Variants in GRK4 observed in about 807,000 individuals in gnomAD.
The protein encoded by GRK4 is G protein-coupled receptor kinase 4.
GRK4 carries 73 observed loss-of-function variants against 77.9 expected under a neutral mutation model. The observed-to-expected ratio is 0.94, with a 90% CI of 0.78 to 1.14. The LOEUF is 1.14. Among genes scored for constraint, GRK4 ranks in the 50% most tolerant of loss-of-function variants. The pLI, the probability that GRK4 is intolerant of heterozygous loss-of-function variation, is 0.00. For synonymous variants in GRK4, 257 were observed against 254.4 expected, an observed-to-expected ratio of 1.01 and a Z score of -0.10; for missense variants, 729 against 700.2, an observed-to-expected ratio of 1.04 and a Z score of -0.46.
intron 8 of GRK4, among the ~76,000 whole-genome samples, chr4:3,014,563 G>GCCTGC (rs1733907033): frequency 6.6e-6 from 1 of 152,036 alleles, no homozygotes; most frequent in Non-Finnish European, 1.5e-5. Flanking sequence ...GGAGGCCAAG[G>GCCTGC]AGGGTGGATC....
At chr4:3,011,029 T>G (rs1190348077) in intron 7 of GRK4, among the ~76,000 whole-genome samples, 5 of 152,220 alleles carry the variant, frequency 3.3e-5, no homozygotes, top group African/African-American at 1.2e-4. Flanking sequence ...TAGATATTTC[T>G]GTAAGAAATC....
At chr4:2,966,257 C>G (rs1436250645) in intron 1 of GRK4, 1 of 151,976 alleles carries the variant, frequency 6.6e-6, no homozygotes, top group Non-Finnish European at 1.5e-5. Flanking sequence ...ACTAAAAATA[C>G]AAAAATTAGC....
chr4:2,964,630 C>T (rs1467463699), intron 1 of GRK4, among the ~76,000 whole-genome samples: 1 of 152,144 alleles, frequency 6.6e-6, no homozygotes, highest in African/African-American at 2.4e-5. Flanking sequence ...ATCTGAGGCT[C>T]TATGGTGTGT....
rs1383878457 is a variant in GRK4 at position 3,019,780 on chromosome 4, C to T, written c.881C>T (p.Ala294Val). The T allele has an allele frequency of 1.2e-6, 2 of 1,614,042 alleles. No individual in the cohort carries two copies. The highest frequency in any genetic ancestry group is 1.7e-6 in the Non-Finnish European group (2 of 1,180,036). Reference sequence around the variant, plus strand: ...GAGCAGAGAGCCGTTTTCTATGCTGCAGAGCTGTGTTGCGGCTTGGAAGAT... The same window carrying T: ...GAGCAGAGAGCCGTTTTCTATGCTGTAGAGCTGTGTTGCGGCTTGGAAGAT... ...FDEQRAVFYA[A>V]ELCCGLEDLQ... is the part of the protein sequence containing the mutation. The change falls in exon 9 of 16, where the codon GCA (alanine) becomes GTA (valine). Residue 294 changes from alanine (A) to valine (V), a missense_variant. Ala to Val is a moderately conservative substitution (Grantham distance 64). Transcript: ENST00000398052.
At chr4:3,016,774 A>G (rs1734671860) in intron 8 of GRK4, among the ~76,000 whole-genome samples, 1 of 152,208 alleles carries the variant, frequency 6.6e-6, no homozygotes, top group African/African-American at 2.4e-5. Flanking sequence ...ACCTTGGAAC[A>G]TAGAAATCCA....
chr4:3,038,358 G>T lies in GRK4; in HGVS notation c.1546-18G>T. 1.2e-6 allele frequency: 2 copies of T among 1,613,990 alleles called. No homozygotes were observed. The highest frequency in any genetic ancestry group is 8.5e-7 in the Non-Finnish European group (1 of 1,179,954). On this transcript the variant is annotated intron_variant, in intron 14 of 15. Coordinates refer to ENST00000398052, the MANE Select transcript of GRK4 (RefSeq NM_182982.3). ...AGTTTCTCTGCGGCTTCTCTGTCCT[G>T]TTATTCTGTGCATGCAGATGATCGA...
chr4:3,014,529 C>T (rs1464573335), intron 8 of GRK4, among the ~76,000 whole-genome samples: 3 of 151,828 alleles, frequency 2.0e-5, no homozygotes, highest in Non-Finnish European at 4.4e-5. Flanking sequence ...CGCGGTGGCT[C>T]ACACCTGTAA....
chr4:2,964,047 C>A lies in GRK4; in HGVS notation c.-24C>A. ...TCAGTCTCCTCGGTCTCGCAGAATCCGCCGGCGGCGGCGGCGCCAGGACAT... is the reference window on the plus strand; with the variant it reads ...TCAGTCTCCTCGGTCTCGCAGAATCAGCCGGCGGCGGCGGCGCCAGGACAT... On this transcript the variant is annotated 5_prime_UTR_variant, in exon 1 of 16. Coordinates refer to ENST00000398052, the MANE Select transcript of GRK4 (RefSeq NM_182982.3). 6.2e-7 allele frequency: 1 copy of A among 1,603,994 alleles called. No homozygotes were observed. The highest frequency in any genetic ancestry group is 8.5e-7 in the Non-Finnish European group (1 of 1,176,172).
intron 2 of GRK4, among the ~76,000 whole-genome samples, chr4:2,987,904 C>A (rs143018408): frequency 2.6e-5 from 4 of 151,772 alleles, no homozygotes; most frequent in Non-Finnish European, 5.9e-5. Flanking sequence ...AGTAAAACCA[C>A]ATCTCTACTA....
Position 3,013,713 on chromosome 4 carries a change from C to T in GRK4, c.626C>T (p.Thr209Ile). Residue 209 changes from threonine to isoleucine, a missense_variant, in exon 8 of 16, where the codon ACA (threonine) becomes ATA (isoleucine). Physicochemically the swap from Thr to Ile is moderately conservative, Grantham distance 89. Coordinates refer to ENST00000398052, the MANE Select transcript of GRK4 (RefSeq NM_182982.3). ...GEVCACQVRA[T>I]GKMYACKKLQ... ...GTTTGCGCCTGTCAAGTGCGAGCCA[C>T]AGGAAAAATGTATGCCTGCAAAAAG... 6.2e-7 allele frequency: 1 copy of T among 1,609,034 alleles called. No homozygotes were observed. The highest frequency in any genetic ancestry group is 8.5e-7 in the Non-Finnish European group (1 of 1,178,078).
intron 1 of GRK4, among the ~76,000 whole-genome samples, chr4:2,978,427 A>G (rs1429801447): frequency 1.3e-5 from 2 of 152,230 alleles, no homozygotes; most frequent in South Asian, 2.1e-4. Flanking sequence ...GAGGATTATA[A>G]TTTGGGATGC....
chr4:2,969,755 C>T (rs1718927062), intron 1 of GRK4, among the ~76,000 whole-genome samples: 2 of 151,908 alleles, frequency 1.3e-5, no homozygotes, highest in African/African-American at 4.8e-5. Flanking sequence ...ACTGAAGCCT[C>T]AAAGCCTTGA....
chr4:3,024,517 C>T (rs999423400), intron 10 of GRK4, among the ~76,000 whole-genome samples: 2 of 152,182 alleles, frequency 1.3e-5, no homozygotes, highest in African/African-American at 2.4e-5. Flanking sequence ...TTGCCTCAGC[C>T]TCCTGAGTAG....
At chr4:3,028,417 A>T (rs1738220552) in intron 11 of GRK4, among the ~76,000 whole-genome samples, 1 of 152,212 alleles carries the variant, frequency 6.6e-6, no homozygotes, top group African/African-American at 2.4e-5. Flanking sequence ...AGCCTCGCAG[A>T]GTCCTGCAGG....
chr4:2,994,358 G>C (rs1727178576), intron 4 of GRK4, among the ~76,000 whole-genome samples: 1 of 152,172 alleles, frequency 6.6e-6, no homozygotes, highest in African/African-American at 2.4e-5. Context: ...TTACAGGTGT[G>C]CACCACCACA....
intron 10 of GRK4, among the ~76,000 whole-genome samples, chr4:3,025,211 C>T (rs545566055): frequency 3.5e-5 from 5 of 142,344 alleles, no homozygotes; most frequent in Non-Finnish European, 3.0e-5. Context: ...GCGGAGGTTG[C>T]AGTGAGCTGA....
At chr4:3,002,601 G>A (rs750520007) in intron 4 of GRK4, among the ~76,000 whole-genome samples, 2 of 152,128 alleles carry the variant, frequency 1.3e-5, no homozygotes, top group South Asian at 4.1e-4. Flanking sequence ...CTGCTTGGGC[G>A]GCTGAGGCAG....
chr4:3,032,224 T>A (rs540669986), intron 12 of GRK4, among the ~76,000 whole-genome samples: 1 of 152,066 alleles, frequency 6.6e-6, no homozygotes, highest in South Asian at 2.1e-4. Flanking sequence ...TGGCTCATGC[T>A]ATAATCCCAG....
At chr4:3,028,569 C>G (rs558893944) in intron 11 of GRK4, among the ~76,000 whole-genome samples, 12 of 152,308 alleles carry the variant, frequency 7.9e-5, no homozygotes, top group South Asian at 4.1e-4. Context: ...GGAGGTGGAG[C>G]CTTCCCTAGA....
Sources: allele counts gnomAD v4.1 joint callset (sites outside exome capture counted in the v4.1 genomes callset), GRCh38; gene constraint gnomAD v4.1.1; transcripts MANE v1.5; gene names NCBI Gene and HGNC (gene_info 2026-07-23, HGNC 2026-07-21).